Variants in RARB observed in about 807,000 individuals in gnomAD.
RARB encodes the protein HBV-activated protein.
Under a neutral mutation model 51.9 loss-of-function variants are expected in RARB, and 17 were observed. The observed-to-expected ratio is 0.33, with a 90% CI of 0.22 to 0.49. RARB has a LOEUF of 0.49. RARB is among the 20% of genes least tolerant of loss of function. RARB has a pLI of 0.99. For missense variants in RARB, 369 were observed against 550.8 expected, an observed-to-expected ratio of 0.67 and a Z score of 3.30; for synonymous variants, 215 against 195.4, an observed-to-expected ratio of 1.10 and a Z score of -0.84.
chr3:25,117,475 A>T (rs1342988054), intron 3 of RARB, among the ~76,000 whole-genome samples: 5 of 152,212 alleles, frequency 3.3e-5, no homozygotes, highest in African/African-American at 1.2e-4. Flanking sequence ...TTTACCAGGG[A>T]CATGTAAGGC....
chr3:24,870,200 T>C (rs1702921826), intron 2 of RARB, among the ~76,000 whole-genome samples: 1 of 152,092 alleles, frequency 6.6e-6, no homozygotes. Flanking sequence ...ATACAGTTTA[T>C]TAATTTTAAT....
intron 2 of RARB, among the ~76,000 whole-genome samples, chr3:24,931,155 C>T (rs548396198): frequency 6.6e-5 from 10 of 152,146 alleles, no homozygotes; most frequent in Admixed American, 6.6e-5. Flanking sequence ...TGCTATGTCT[C>T]GTTGAACTGA....
intron 2 of RARB, among the ~76,000 whole-genome samples, chr3:24,967,440 C>G (rs1696300431): frequency 6.6e-6 from 1 of 152,130 alleles, no homozygotes; most frequent in South Asian, 2.1e-4. Context: ...GTCTCCTCAA[C>G]TCAGATGGTC....
At chr3:25,007,593 A>AAAAAAAAAAAAAAAAAAAAG in intron 2 of RARB, among the ~76,000 whole-genome samples, 1 of 101,526 alleles carries the variant, frequency 9.8e-6, no homozygotes, top group Non-Finnish European at 2.0e-5. Flanking sequence ...AGACTGTCTC[A>AAAAAAAAAAAAAAAAAAAAG]AAAAAAAAAA....
At chr3:25,488,875 C>A (rs1696593986) in intron 2 of RARB, among the ~76,000 whole-genome samples, 1 of 152,192 alleles carries the variant, frequency 6.6e-6, no homozygotes, top group African/African-American at 2.4e-5. Context: ...AACTGGAGAA[C>A]AATCTAACTA....
At chr3:25,551,337 G>C (rs1050626787) in intron 3 of RARB, among the ~76,000 whole-genome samples, 1 of 152,210 alleles carries the variant, frequency 6.6e-6, no homozygotes, top group African/African-American at 2.4e-5. Flanking sequence ...ACCTTTGGAA[G>C]ATGAGCTATT....
At chr3:25,089,217 A>C (rs1413282911) in intron 3 of RARB, among the ~76,000 whole-genome samples, 2 of 152,192 alleles carry the variant, frequency 1.3e-5, no homozygotes, top group Admixed American at 6.6e-5. Context: ...TTCCTCCATA[A>C]AAATTATCCT....
intron 5 of RARB, among the ~76,000 whole-genome samples, chr3:25,421,866 A>G (rs1301212970): frequency 6.6e-6 from 1 of 152,162 alleles, no homozygotes; most frequent in African/African-American, 2.4e-5. Flanking sequence ...TGGGGTTTAA[A>G]CACAGGTAGT....
intron 5 of RARB, among the ~76,000 whole-genome samples, chr3:25,256,903 C>CCTCTTTAT (rs1702880107): frequency 1.3e-5 from 2 of 152,010 alleles, no homozygotes. Flanking sequence ...TCTGTCTCAG[C>CCTCTTTAT]GTCTTCTCAT....
chr3:25,564,710 T>G (rs967172873), intron 3 of RARB, among the ~76,000 whole-genome samples: 2 of 152,176 alleles, frequency 1.3e-5, no homozygotes, highest in Non-Finnish European at 2.9e-5. Context: ...CATGTGGCCC[T>G]TGCCTTTCAG....
intron 2 of RARB, among the ~76,000 whole-genome samples, chr3:24,879,442 A>AC (rs937704415): frequency 4.0e-5 from 6 of 151,118 alleles, no homozygotes; most frequent in Non-Finnish European, 8.8e-5. Flanking sequence ...ATTAAAAAAA[A>AC]ATAAAAAATA....
chr3:25,303,416 C>T (rs1704086244), intron 5 of RARB, among the ~76,000 whole-genome samples: 1 of 152,178 alleles, frequency 6.6e-6, no homozygotes, highest in African/African-American at 2.4e-5. Flanking sequence ...TAATATTTGA[C>T]AACAATAGCA....
chr3:24,865,851 C>A (rs1702838293), intron 2 of RARB, among the ~76,000 whole-genome samples: 1 of 152,118 alleles, frequency 6.6e-6, no homozygotes, highest in African/African-American at 2.4e-5. Flanking sequence ...CCTAATTGTG[C>A]AGCCTGAGAC....
chr3:25,158,770 G>T (rs1700420978), intron 4 of RARB, among the ~76,000 whole-genome samples: 2 of 152,160 alleles, frequency 1.3e-5, no homozygotes, highest in South Asian at 4.1e-4. Flanking sequence ...TCATCATCCA[G>T]TGCAGGCACG....
At chr3:25,264,612 C>G (rs1051560892) in intron 5 of RARB, among the ~76,000 whole-genome samples, 44 of 152,142 alleles carry the variant, frequency 2.9e-4, no homozygotes, top group Non-Finnish European at 1.2e-4. Context: ...ATATCAGACA[C>G]TAACATTTAT....
chr3:25,344,772 C>G (rs1185041952), intron 5 of RARB, among the ~76,000 whole-genome samples: 1 of 152,068 alleles, frequency 6.6e-6, no homozygotes, highest in Non-Finnish European at 1.5e-5. Flanking sequence ...AGTGTAACTC[C>G]TGGTCATTCT....
intron 4 of RARB, among the ~76,000 whole-genome samples, chr3:25,165,463 C>A (rs1474608685): frequency 6.6e-6 from 1 of 152,144 alleles, no homozygotes; most frequent in African/African-American, 2.4e-5. Context: ...ACTGGGCACA[C>A]TACTGCTTCC....
Position 25,351,605 on chromosome 3 carries a change from C to T in RARB, c.179-109588C>T, listed in dbSNP as rs114363156. ...GGTCCTCAGTGCTATGGTTTCCAAC[C>T]ATTTTACCAGCCCGGAAGACACTTG... On this transcript the variant is annotated intron_variant, in intron 5 of 11. Coordinates refer to the RARB transcript ENST00000383772. 1.7e-3 allele frequency among the ~76,000 whole-genome samples: 266 copies of T among 152,238 alleles called. 1 individual carries two copies. Among genetic ancestry groups the T allele is most frequent in the African/African-American group, 5.9e-3 (245 of 41,536 alleles).
chr3:25,541,855 C>T (rs1339112486), intron 3 of RARB, among the ~76,000 whole-genome samples: 1 of 152,214 alleles, frequency 6.6e-6, no homozygotes, highest in Non-Finnish European at 1.5e-5. Flanking sequence ...TCCTGAGCCC[C>T]TCTGTGGTCA....
Sources: gnomAD v4.1 joint callset for allele counts (sites outside exome capture counted in the v4.1 genomes callset) on GRCh38, gnomAD v4.1.1 for gene constraint, MANE v1.5 for transcripts, NCBI Gene and HGNC (gene_info 2026-07-23, HGNC 2026-07-21) for gene names.